NHLRC1: variants seen among roughly 807,000 people sequenced by gnomAD.
NHLRC1 encodes the protein NHL repeat containing E3 ubiquitin protein ligase 1.
A neutral mutation model predicts 14.6 loss-of-function variants in NHLRC1; 10 were observed. The ratio of observed to expected loss-of-function variants is 0.69; its 90% CI spans 0.42 to 1.17. NHLRC1 has a LOEUF of 1.17. Among genes scored for constraint, NHLRC1 ranks in the 50% most tolerant of loss-of-function variants. The pLI is 0.00. For synonymous variants in NHLRC1, 231 were observed against 224.0 expected (o/e 1.03, Z -0.28); for missense variants, 526 against 522.9 (o/e 1.01, Z -0.06).
In NHLRC1 at chr6:18,121,534, A is replaced by G. The variant is rs1357727409; in HGVS notation, c.1073T>C (p.Met358Thr). Reference sequence around the variant, plus strand: ...AGGATGCGAAAGACCATGAGTGACCATGGGCTTCGGTACTGGAAACTCCTC... The same window carrying G: ...AGGATGCGAAAGACCATGAGTGACCGTGGGCTTCGGTACTGGAAACTCCTC... ...KPEEFPVPKPMVTHGLSHPVA... is the reference protein window; with the variant it reads ...KPEEFPVPKPTVTHGLSHPVA... The change falls in exon 1 of 1, where the codon ATG becomes ACG. Residue 358 changes from methionine to threonine, a missense_variant. Coordinates refer to ENST00000340650, the MANE Select transcript of NHLRC1 (RefSeq NM_198586.3). The surrounding 1 kb of genome is among the most constrained non-coding windows in gnomAD (Gnocchi z 4.7). The G allele has an allele frequency of 6.2e-7, 1 of 1,614,082 alleles. No homozygotes were observed.
rs1294193137 is a variant in NHLRC1 at position 18,122,481 on chromosome 6, G to A, written c.126C>T (p.Arg42=). The change falls in exon 1 of 1, where the codon CGC becomes CGT. Residue 42 remains arginine, a synonymous_variant. Coordinates refer to ENST00000340650, the MANE Select transcript of NHLRC1 (RefSeq NM_198586.3). ...AGACCACGTGGCCGCAGGACAGGTT[G>A]CGCGGGCGCCGCTGCTGCCGGTGGC... The part of the protein sequence containing the change: ...KFGHRQQRRP[R]NLSCGHVVCL... 1.3e-6 allele frequency: 2 copies of A among 1,596,870 alleles called. No individual in the cohort carries two copies. Among genetic ancestry groups the A allele is most frequent in the Non-Finnish European group, 1.7e-6 (2 of 1,179,414 alleles).
In NHLRC1 at chr6:18,122,252, TGTG is replaced by T; in HGVS notation, c.352_354del (p.His118del). ...ACCAGGGTCCCCCAGCCGCCGAAGG[TGTG>T]GTGGCAGGTGAGGGCTCCGGGGGCG... On this transcript the variant is annotated inframe_deletion, in exon 1 of 1. Transcript: ENST00000340650. 1 of 1,608,370 alleles carries T rather than the reference TGTG, an allele frequency of 6.2e-7. No individual in the cohort carries two copies. The highest frequency in any genetic ancestry group is 8.5e-7 in the Non-Finnish European group (1 of 1,179,714).
rs142941035 is a variant in NHLRC1, at chr6:18,121,638, G to T, written c.969C>A (p.Ser323=). ...SLYFPSKITA[S]AVTFDHQGNV... ...TTCCCTGGTGATCAAAGGTCACAGC[G>T]GAGGCAGTTATTTTGGAGGGAAAGT... Residue 323 remains serine, a synonymous_variant, in exon 1 of 1, where the codon TCC becomes TCA. Transcript: ENST00000340650. This position sits in a 1 kb window ranked among gnomAD's most constrained non-coding sequence, Gnocchi z 4.7. The T allele has an allele frequency of 9.3e-6, 15 of 1,614,034 alleles. No homozygotes were observed. The highest frequency in any genetic ancestry group is 6.7e-5 in the Admixed American group (4 of 60,012).
At position 18,122,540 on chromosome 6, in the gene NHLRC1, G is replaced by A. The variant is rs778489271; in HGVS notation, c.67C>T (p.Leu23=). The A allele has an allele frequency of 6.3e-7, 1 of 1,597,506 alleles. No homozygotes were observed. Among genetic ancestry groups the A allele is most frequent in the South Asian group, 1.1e-5 (1 of 91,070 alleles). ...TCAAAGCACACCTTGCACTCGAGCA[G>A]GCTGATCTCCGCCTCGCGCATGAGC... ...HELMREAEIS[L]LECKVCFEKF... Residue 23 remains leucine, a synonymous_variant, in exon 1 of 1, where the codon CTG becomes TTG. Transcript: ENST00000340650.
In NHLRC1 at chr6:18,121,187, C is replaced by T. The variant is rs1045650365; in HGVS notation, c.*232G>A. 1.1e-4 allele frequency: 60 copies of T among 538,752 alleles called. No individual in the cohort carries two copies. Among genetic ancestry groups the T allele is most frequent in the Non-Finnish European group, 1.7e-4 (51 of 300,400 alleles). The allele number at this position is 538,752 out of a possible 1,614,324, so 33.4% of individuals were successfully genotyped here. A position where few individuals can be genotyped will look rare whatever the true frequency, so the allele number is the denominator to read the frequency against. ...TCTATCTTGGGGGGGAAGAAATTAC[C>T]TCACTGGATAGTACAGATTAAATAA... On this transcript the variant is annotated 3_prime_UTR_variant, in exon 1 of 1. Coordinates refer to ENST00000340650, the MANE Select transcript of NHLRC1 (RefSeq NM_198586.3). The surrounding 1 kb of genome is among the most constrained non-coding windows in gnomAD (Gnocchi z 4.7).
Position 18,122,150 on chromosome 6 carries a change from T to C in NHLRC1, c.457A>G (p.Ile153Val), listed in dbSNP as rs780535678. ...VVHDGRRRVKIFDSGGGCAHQ... is the reference protein window; with the variant it reads ...VVHDGRRRVKVFDSGGGCAHQ... ...GCGCATCCTCCCCCTGAGTCAAAAA[T>C]CTTGACACGCCTCCTGCCGTCGTGC... The change falls in exon 1 of 1, where the codon ATT becomes GTT. Residue 153 changes from isoleucine to valine, a missense_variant. Ile to Val is a conservative substitution (Grantham distance 29). Coordinates refer to ENST00000340650, the MANE Select transcript of NHLRC1 (RefSeq NM_198586.3). 1 of 1,613,718 alleles carries C rather than the reference T, an allele frequency of 6.2e-7. No homozygotes were observed. The highest frequency in any genetic ancestry group is 1.3e-5 in the African/African-American group (1 of 74,908).
chr6:18,121,969 C>T lies in NHLRC1; in HGVS notation c.638G>A (p.Gly213Asp). The change falls in exon 1 of 1, where the codon GGC becomes GAC. Residue 213 changes from glycine (G) to aspartate (D), a missense_variant. Physicochemically the swap from Gly to Asp is moderately conservative, Grantham distance 94 (BLOSUM62 -1). Transcript: ENST00000340650. The surrounding 1 kb of genome is among the most constrained non-coding windows in gnomAD (Gnocchi z 4.7). ...FFGQIKLVIG[G>D]QFSLPWGVET... is the part of the protein sequence containing the mutation. Reference sequence around the variant, plus strand: ...CACACCCCAAGGTAAGGAGAATTGGCCTCCAATGACAAGCTTGATCTGGCC... The same window carrying T: ...CACACCCCAAGGTAAGGAGAATTGGTCTCCAATGACAAGCTTGATCTGGCC... 6.2e-7 allele frequency: 1 copy of T among 1,614,208 alleles called. No individual in the cohort carries two copies. Among genetic ancestry groups the T allele is most frequent in the Non-Finnish European group, 8.5e-7 (1 of 1,180,032 alleles).
In NHLRC1 at chr6:18,121,522, C is replaced by A. The variant is rs1378698213; in HGVS notation, c.1085G>T (p.Gly362Val). ...FPVPKPMVTH[G>V]LSHPVALTFT... ...GGTAAGAGCCACAGGATGCGAAAGA[C>A]CATGAGTGACCATGGGCTTCGGTAC... Residue 362 changes from glycine (G) to valine (V), a missense_variant, in exon 1 of 1, where the codon GGT (glycine) becomes GTT (valine). Gly to Val is a moderately radical substitution (Grantham distance 109). Coordinates refer to ENST00000340650, the MANE Select transcript of NHLRC1 (RefSeq NM_198586.3). This position sits in a 1 kb window ranked among gnomAD's most constrained non-coding sequence, Gnocchi z 4.7. The A allele has an allele frequency of 6.2e-7, 1 of 1,614,198 alleles. No homozygotes were observed. Among genetic ancestry groups the A allele is most frequent in the Admixed American group, 1.7e-5 (1 of 60,024 alleles).
In NHLRC1 at chr6:18,121,909, T is replaced by C; in HGVS notation, c.698A>G (p.Asp233Gly). The stretch of plus-strand genomic sequence containing the variant: ...GAGGTGCAGGGACCCTGCCTCCGCA[T>C]CAGTTACCACAATCCCATTCTGAGG... ...TTPQNGIVVT[D>G]AEAGSLHLLD... The change falls in exon 1 of 1, where the codon GAT (aspartate) becomes GGT (glycine). Residue 233 changes from aspartate (D) to glycine (G), a missense_variant. Transcript: ENST00000340650. This position sits in a 1 kb window ranked among gnomAD's most constrained non-coding sequence, Gnocchi z 4.7. The C allele has an allele frequency of 6.2e-7, 1 of 1,614,148 alleles. No homozygotes were observed. Among genetic ancestry groups the C allele is most frequent in the African/African-American group, 1.3e-5 (1 of 75,050 alleles).
chr6:18,120,490 T>G lies in NHLRC1; in HGVS notation c.*929A>C, dbSNP rs1447974408. The G allele has an allele frequency of 6.6e-6, 1 of 152,216 alleles. No homozygotes were observed. The highest frequency in any genetic ancestry group is 2.4e-5 in the African/African-American group (1 of 41,458). 9.4% of individuals were successfully genotyped at this position (152,216 alleles called of 1,614,324 possible). The stretch of plus-strand genomic sequence containing the variant: ...GAGAAGATATAGGCGTTAAAAGACA[T>G]GTTTACTTTTTTAATAAGCAGTTCA... On this transcript the variant is annotated 3_prime_UTR_variant, in exon 1 of 1. Coordinates refer to ENST00000340650, the MANE Select transcript of NHLRC1 (RefSeq NM_198586.3).
chr6:18,121,903 TCC>T lies in NHLRC1; in HGVS notation c.702_703del (p.Glu235GlyfsTer20). ...GTCCAGGAGGTGCAGGGACCCTGCC[TCC>T]GCATCAGTTACCACAATCCCATTCT... is the stretch of plus-strand genomic sequence containing the variant. On this transcript the variant is annotated frameshift_variant, in exon 1 of 1. Coordinates refer to ENST00000340650, the MANE Select transcript of NHLRC1 (RefSeq NM_198586.3). LOFTEE classifies it high-confidence loss of function. The surrounding 1 kb of genome is among the most constrained non-coding windows in gnomAD (Gnocchi z 4.7). The T allele has an allele frequency of 6.2e-7, 1 of 1,614,138 alleles. No individual in the cohort carries two copies. Among genetic ancestry groups the T allele is most frequent in the Admixed American group, 1.7e-5 (1 of 60,020 alleles).
chr6:18,121,788 G>C lies in NHLRC1; in HGVS notation c.819C>G (p.Thr273=). The change falls in exon 1 of 1, where the codon ACC becomes ACG. Residue 273 remains threonine, a synonymous_variant. Transcript: ENST00000340650. This position sits in a 1 kb window ranked among gnomAD's most constrained non-coding sequence, Gnocchi z 4.7. ...NPRGVAVSWL[T]GAIAVLEHPL... ...GGTGCTCCAGGACCGCAATGGCCCC[G>C]GTGAGCCAAGACACTGCCACCCCTC... is the stretch of plus-strand genomic sequence containing the variant. 1 of 1,613,996 alleles carries C rather than the reference G, an allele frequency of 6.2e-7. No individual in the cohort carries two copies. The highest frequency in any genetic ancestry group is 8.5e-7 in the Non-Finnish European group (1 of 1,180,030).
rs1333659683 is a variant in NHLRC1, at chr6:18,121,264, A to G, written c.*155T>C. On this transcript the variant is annotated 3_prime_UTR_variant, in exon 1 of 1. Coordinates refer to ENST00000340650, the MANE Select transcript of NHLRC1 (RefSeq NM_198586.3). This position sits in a 1 kb window ranked among gnomAD's most constrained non-coding sequence, Gnocchi z 4.7. ...AGAGTATGCATTCAATAAATGGTAG[A>G]TTAATCTCCAATAACTGTCCCAAGC... The G allele has an allele frequency of 3.1e-6, 2 of 652,212 alleles. No homozygotes were observed. The highest frequency in any genetic ancestry group is 5.4e-6 in the Non-Finnish European group (2 of 372,958). 40.4% of individuals were successfully genotyped at this position (652,212 alleles called of 1,614,324 possible).
Position 18,122,265 on chromosome 6 carries a change from G to A in NHLRC1, c.342C>T (p.Leu114=). Residue 114 remains leucine, a synonymous_variant, in exon 1 of 1, where the codon CTC becomes CTT. Transcript: ENST00000340650. The part of the protein sequence containing the change: ...HRAAPSAPGA[L]TCHHTFGGWG... ...AGCCGCCGAAGGTGTGGTGGCAGGT[G>A]AGGGCTCCGGGGGCGCTGGGGGCGG... 1.2e-6 allele frequency: 2 copies of A among 1,605,176 alleles called. No individual in the cohort carries two copies. The highest frequency in any genetic ancestry group is 1.7e-6 in the Non-Finnish European group (2 of 1,179,242).
Position 18,121,614 on chromosome 6 carries a change from TC to T in NHLRC1, c.992del (p.Gly331GlufsTer3), listed in dbSNP as rs587776543. The T allele has an allele frequency of 1.9e-6, 3 of 1,614,126 alleles. No homozygotes were observed. The highest frequency in any genetic ancestry group is 2.5e-6 in the Non-Finnish European group (3 of 1,180,034). ...CAGATGTATCTGCAACAATCACATTTCCCTGGTGATCAAAGGTCACAGCGGA... is the reference window on the plus strand; with the variant it reads ...CAGATGTATCTGCAACAATCACATTTCCTGGTGATCAAAGGTCACAGCGGA... ...TASAVTFDHQ[G>X]NVIVADTSGP... is the part of the protein sequence containing the mutation. On this transcript the variant is annotated frameshift_variant, in exon 1 of 1. Transcript: ENST00000340650. LOFTEE classifies it high-confidence loss of function. This position sits in a 1 kb window ranked among gnomAD's most constrained non-coding sequence, Gnocchi z 4.7.
In NHLRC1 at chr6:18,121,533, C is replaced by T; in HGVS notation, c.1074G>A (p.Met358Ile). The T allele has an allele frequency of 6.2e-7, 1 of 1,614,198 alleles. No individual in the cohort carries two copies. The highest frequency in any genetic ancestry group is 8.5e-7 in the Non-Finnish European group (1 of 1,180,046). ...CAGGATGCGAAAGACCATGAGTGAC[C>T]ATGGGCTTCGGTACTGGAAACTCCT... is the stretch of plus-strand genomic sequence containing the variant. ...KPEEFPVPKP[M>I]VTHGLSHPVA... The change falls in exon 1 of 1, where the codon ATG becomes ATA. Residue 358 changes from methionine to isoleucine, a missense_variant. By Grantham distance (10) the Met-to-Ile change is conservative (BLOSUM62 1). Transcript: ENST00000340650. The surrounding 1 kb of genome is among the most constrained non-coding windows in gnomAD (Gnocchi z 4.7).
At position 18,122,496 on chromosome 6, in the gene NHLRC1, C is replaced by T. The variant is rs143893542; in HGVS notation, c.111G>A (p.Gln37=). The part of the protein sequence containing the change: ...KVCFEKFGHR[Q]QRRPRNLSCG... ...AGGACAGGTTGCGCGGGCGCCGCTG[C>T]TGCCGGTGGCCAAACTTCTCAAAGC... The change falls in exon 1 of 1, where the codon CAG becomes CAA. Residue 37 remains glutamine (Q), a synonymous_variant. Coordinates refer to ENST00000340650, the MANE Select transcript of NHLRC1 (RefSeq NM_198586.3). The T allele has an allele frequency of 1.3e-5, 21 of 1,597,212 alleles. No homozygotes were observed. Among genetic ancestry groups the T allele is most frequent in the East Asian group, 2.2e-5 (1 of 44,850 alleles).
In NHLRC1 at chr6:18,122,381, G is replaced by A. The variant is rs1299266525; in HGVS notation, c.226C>T (p.Arg76Trp). 1.3e-6 allele frequency: 2 copies of A among 1,576,068 alleles called. No homozygotes were observed. Among genetic ancestry groups the A allele is most frequent in the Non-Finnish European group, 1.7e-6 (2 of 1,169,230 alleles). Residue 76 changes from arginine (R) to tryptophan (W), a missense_variant, in exon 1 of 1, where the codon CGG becomes TGG. Physicochemically the swap from Arg to Trp is moderately radical, Grantham distance 101. Transcript: ENST00000340650. The stretch of plus-strand genomic sequence containing the variant: ...AGGCAGTCGCTGGTGTCGCAGCCCC[G>A]GCAAGCTCGCCTGCAGAATGGGCAC... ...LECPFCRRAC[R>W]GCDTSDCLPV...
Position 18,121,852 on chromosome 6 carries a change from C to G in NHLRC1, c.755G>C (p.Arg252Pro), listed in dbSNP as rs371072212. Reference sequence around the variant, plus strand: ...ATGAGCTTGCAACCTTTCAGTTCTCCGAAGGACCCCTTCCGCGAAGTCGAC... The same window carrying G: ...ATGAGCTTGCAACCTTTCAGTTCTCGGAAGGACCCCTTCCGCGAAGTCGAC... ...LDVDFAEGVL[R>P]RTERLQAHLC... Residue 252 changes from arginine to proline, a missense_variant, in exon 1 of 1, where the codon CGG becomes CCG. Coordinates refer to ENST00000340650, the MANE Select transcript of NHLRC1 (RefSeq NM_198586.3). The surrounding 1 kb of genome is among the most constrained non-coding windows in gnomAD (Gnocchi z 4.7). 1.9e-6 allele frequency: 3 copies of G among 1,614,088 alleles called. No individual in the cohort carries two copies. The highest frequency in any genetic ancestry group is 2.5e-6 in the Non-Finnish European group (3 of 1,180,034).
Sources: allele counts gnomAD v4.1 joint callset, GRCh38; gene constraint gnomAD v4.1.1; non-coding constraint Gnocchi (gnomAD v3.1); transcripts MANE v1.5; gene names NCBI Gene and HGNC (gene_info 2026-07-23, HGNC 2026-07-21).